TMEM38A: variants seen among roughly 807,000 people sequenced by gnomAD.
TMEM38A encodes transmembrane protein 38A.
TMEM38A carries 17 observed loss-of-function variants against 28.6 expected under a neutral mutation model. The observed-to-expected ratio is 0.60, with a 90% CI of 0.41 to 0.89. TMEM38A has a LOEUF of 0.89. TMEM38A is among the 40% of genes least tolerant of loss of function. The pLI is 0.00. For synonymous variants in TMEM38A, 169 were observed against 166.1 expected, an observed-to-expected ratio of 1.02 and a Z score of -0.14; for missense variants, 328 against 393.1, an observed-to-expected ratio of 0.83 and a Z score of 1.40.
At chr19:16,679,166 T>TA (rs746884921) in intron 1 of TMEM38A, among the ~76,000 whole-genome samples, 1,371 of 73,824 alleles carry the variant, frequency 0.019, 23 homozygotes, top group Middle Eastern at 0.048. Flanking sequence ...CAAAAAAAGT[T>TA]AAAAAAAAAA....
intron 1 of TMEM38A, among the ~76,000 whole-genome samples, chr19:16,673,591 G>C (rs193014807): frequency 6.6e-6 from 1 of 152,262 alleles, no homozygotes; most frequent in East Asian, 1.9e-4. Flanking sequence ...ATATTTCCCT[G>C]GTATTGCCAA....
At chr19:16,674,389 CAAA>C (rs535347473) in intron 1 of TMEM38A, among the ~76,000 whole-genome samples, 23 of 87,172 alleles carry the variant, frequency 2.6e-4, no homozygotes, top group Non-Finnish European at 2.6e-4. Flanking sequence ...CTCTTGTCTC[CAAA>C]AAAAAAAAAA....
At chr19:16,672,548 A>G (rs1244378875) in intron 1 of TMEM38A, among the ~76,000 whole-genome samples, 2 of 146,982 alleles carry the variant, frequency 1.4e-5, no homozygotes, top group Non-Finnish European at 3.0e-5. Context: ...TCCTGAATTC[A>G]AGTGATTCTC....
chr19:16,688,227 C>T lies in TMEM38A; in HGVS notation c.756C>T (p.Ala252=). 6.3e-7 allele frequency: 1 copy of T among 1,592,206 alleles called. No homozygotes were observed. The highest frequency in any genetic ancestry group is 8.6e-7 in the Non-Finnish European group (1 of 1,168,610). Residue 252 remains alanine (A), a synonymous_variant, in exon 6 of 6, where the codon GCC becomes GCT. Coordinates refer to ENST00000187762, the MANE Select transcript of TMEM38A (RefSeq NM_024074.4). ...GYICPVLFGS[A]CGGDHHHDNH... ...TCTGCCCCGTGCTGTTTGGTTCGGC[C>T]TGCGGGGGTGACCATCACCACGACA...
At chr19:16,676,613 G>A (rs1485894958) in intron 1 of TMEM38A, among the ~76,000 whole-genome samples, 3 of 152,058 alleles carry the variant, frequency 2.0e-5, no homozygotes, top group Non-Finnish European at 2.9e-5. Context: ...ACTCCAAGGT[G>A]TGGCCTTAGA....
At chr19:16,673,143 G>T (rs749350520) in intron 1 of TMEM38A, among the ~76,000 whole-genome samples, 2 of 152,042 alleles carry the variant, frequency 1.3e-5, no homozygotes, top group Non-Finnish European at 2.9e-5. Flanking sequence ...GTGCAGTGGC[G>T]CAATCTTGGC....
rs2086710988 is a variant in TMEM38A, at chr19:16,668,062, A to T, written c.124+6721A>T. On this transcript the variant is annotated intron_variant, in intron 1 of 5. Coordinates refer to ENST00000187762, the MANE Select transcript of TMEM38A (RefSeq NM_024074.4). ...TGTCTCTACTAAAAATACAAAAATT[A>T]GCCAGGCGTGATGGCGGGCGCCTGT... Among the ~76,000 whole-genome samples the T allele has an allele frequency of 3.9e-5, 6 of 152,064 alleles. No individual in the cohort carries two copies. In the South Asian group the frequency reaches 1.2e-3, roughly 32 times the overall value.
chr19:16,687,094 G>C (rs532722287), intron 5 of TMEM38A, among the ~76,000 whole-genome samples: 1 of 152,236 alleles, frequency 6.6e-6, no homozygotes, highest in Admixed American at 6.6e-5. Flanking sequence ...CACTTCAGGG[G>C]GCCAAGGCAG....
At chr19:16,686,490 TC>T in intron 5 of TMEM38A, 85 bp downstream of exon 5, 1 of 1,116,952 alleles carries the variant, frequency 9.0e-7, no homozygotes, top group Non-Finnish European at 1.3e-6. Context: ...AATTGGACAC[TC>T]CCAGCCTTAT....
intron 4 of TMEM38A, among the ~76,000 whole-genome samples, 162 bp downstream of exon 4, chr19:16,682,670 C>A (rs566973568): frequency 1.3e-5 from 2 of 152,284 alleles, no homozygotes; most frequent in South Asian, 4.1e-4. Flanking sequence ...AGAGCCATAG[C>A]TCTGCTCAGT....
At chr19:16,682,349 C>T in intron 3 of TMEM38A, 72 bp from the exon 4 acceptor site, 2 of 1,261,248 alleles carry the variant, frequency 1.6e-6, no homozygotes, top group South Asian at 2.4e-5. Context: ...GAGACTGCTT[C>T]CTTGGGAATT....
intron 1 of TMEM38A, among the ~76,000 whole-genome samples, chr19:16,665,949 C>T (rs535010727): frequency 6.6e-6 from 1 of 151,914 alleles, no homozygotes; most frequent in South Asian, 2.1e-4. Context: ...CCTGGGATTA[C>T]AAGCATCCAC....
chr19:16,668,452 C>T (rs573113943), intron 1 of TMEM38A, among the ~76,000 whole-genome samples: 2 of 143,852 alleles, frequency 1.4e-5, no homozygotes, highest in Non-Finnish European at 3.0e-5. Flanking sequence ...GGCTGAGGCA[C>T]GAGAATTGCT....
At chr19:16,663,742 T>G (rs1007649076) in intron 1 of TMEM38A, among the ~76,000 whole-genome samples, 3 of 151,692 alleles carry the variant, frequency 2.0e-5, no homozygotes, top group Non-Finnish European at 4.4e-5. Context: ...TTCACCGTAT[T>G]AGCCAGGATG....
chr19:16,668,418 G>A (rs1764329852), intron 1 of TMEM38A, among the ~76,000 whole-genome samples: 1 of 150,750 alleles, frequency 6.6e-6, no homozygotes, highest in African/African-American at 2.5e-5. Flanking sequence ...GGTGGCGCAA[G>A]CCTGTAATGC....
intron 1 of TMEM38A, among the ~76,000 whole-genome samples, chr19:16,670,201 C>T (rs895150560): frequency 6.6e-6 from 1 of 151,116 alleles, no homozygotes; most frequent in Non-Finnish European, 1.5e-5. Flanking sequence ...AATTCCTGAC[C>T]TTGTGATCCA....
chr19:16,675,509 C>T (rs550549859), intron 1 of TMEM38A, among the ~76,000 whole-genome samples: 4 of 149,834 alleles, frequency 2.7e-5, no homozygotes, highest in Admixed American at 6.7e-5. Context: ...GCTGGGATTA[C>T]AGGTGTGAGT....
chr19:16,663,695 A>AT (rs1177464598), intron 1 of TMEM38A, among the ~76,000 whole-genome samples: 4,309 of 142,014 alleles, frequency 0.03, 197 homozygotes, highest in African/African-American at 0.1. Flanking sequence ...TGCCCGGCTA[A>AT]TTTTTTTTTT....
At chr19:16,667,165 A>G (rs1194124593) in intron 1 of TMEM38A, among the ~76,000 whole-genome samples, 2 of 149,984 alleles carry the variant, frequency 1.3e-5, no homozygotes, top group African/African-American at 2.5e-5. Context: ...GCTGCTCAGG[A>G]GGCTGAGGCA....
Sources: gnomAD v4.1 joint callset for allele counts (sites outside exome capture counted in the v4.1 genomes callset) on GRCh38, gnomAD v4.1.1 for gene constraint, MANE v1.5 for transcripts, NCBI Gene and HGNC (gene_info 2026-07-23, HGNC 2026-07-21) for gene names.